The following COL5A2 variants were observed in gnomAD, a reference collection of about 807,000 sequenced individuals.
The protein encoded by COL5A2 is collagen alpha-2(V) chain.
COL5A2 carries 23 observed loss-of-function variants against 208.2 expected under a neutral mutation model. That is an observed-to-expected ratio of 0.11 (90% CI 0.08 to 0.16). The LOEUF (loss-of-function observed/expected upper bound fraction) is 0.16. Ranked by LOEUF, COL5A2 falls within the 10% of genes least tolerant of loss-of-function variation. The pLI is 1.00. For missense variants in COL5A2, 1,590 were observed against 1,956.4 expected (o/e 0.81, Z 3.53); for synonymous variants, 625 against 628.5 (o/e 0.99, Z 0.08).
the COL5A2 span, chr2:189,311,777 G>A: frequency 1.2e-6 from 1 of 844,690 alleles, no homozygotes; most frequent in Non-Finnish European, 2.0e-6. Context: ...TTCCAAGCCA[G>A]CTCATCACAT....
At chr2:189,356,682 C>T in the COL5A2 span, among the ~76,000 whole-genome samples, 2 of 152,212 alleles carry the variant, frequency 1.3e-5, no homozygotes, top group African/African-American at 4.8e-5. Context: ...TTAGAACATG[C>T]TCCTTTAACT....
chr2:189,224,554 T>G (rs2105882022), intron 1 of COL5A2, among the ~76,000 whole-genome samples: 1 of 152,050 alleles, frequency 6.6e-6, no homozygotes, highest in Admixed American at 6.5e-5. Flanking sequence ...CTGGGCATGG[T>G]GGCACACGCC....
At chr2:189,057,542 G>A in intron 33 of COL5A2, 115 bp from the exon 34 acceptor site, 3 of 756,006 alleles carry the variant, frequency 4.0e-6, no homozygotes, top group East Asian at 2.6e-5. Flanking sequence ...TCAACTTAGT[G>A]CTTATATTTT....
chr2:189,196,966 T>G (rs75021706), intron 1 of COL5A2, among the ~76,000 whole-genome samples: 1 of 152,158 alleles, frequency 6.6e-6, no homozygotes, highest in Non-Finnish European at 1.5e-5. Context: ...CAAAGGAATA[T>G]AAATCATTCT....
intron 1 of COL5A2, among the ~76,000 whole-genome samples, chr2:189,143,466 C>T (rs13005834): frequency 0.79 from 120,268 of 152,144 alleles, 50,061 homozygotes; most frequent in Non-Finnish European, 0.91. Context: ...ATATTTCCCA[C>T]TGTAAAATTT....
At chr2:189,375,658 A>G in the COL5A2 span, among the ~76,000 whole-genome samples, 1 of 152,220 alleles carries the variant, frequency 6.6e-6, no homozygotes, top group South Asian at 2.1e-4. Context: ...GTCTGGAGGA[A>G]TATCATGCTT....
intron 47 of COL5A2, among the ~76,000 whole-genome samples, chr2:189,044,100 T>A (rs1685614873): frequency 6.6e-6 from 1 of 152,198 alleles, no homozygotes; most frequent in Non-Finnish European, 1.5e-5. Context: ...TAGAGTCATC[T>A]ACTATAGAAC....
At chr2:189,401,824 A>T in the COL5A2 span, among the ~76,000 whole-genome samples, 28 of 152,120 alleles carry the variant, frequency 1.8e-4, no homozygotes, top group Admixed American at 7.9e-4. Flanking sequence ...ATGATCAGTG[A>T]TGTTGAGCTT....
At chr2:189,252,122 G>C in the COL5A2 span, among the ~76,000 whole-genome samples, 1 of 152,178 alleles carries the variant, frequency 6.6e-6, no homozygotes, top group African/African-American at 2.4e-5. Flanking sequence ...ACAGGTGCTG[G>C]AGAGGATGTG....
At chr2:189,303,908 C>T in the COL5A2 span, among the ~76,000 whole-genome samples, 26 of 152,196 alleles carry the variant, frequency 1.7e-4, no homozygotes, top group Non-Finnish European at 2.8e-4. Flanking sequence ...AGTCATGAAT[C>T]GTTCTTTGCT....
chr2:189,265,951 C>G, the COL5A2 span, among the ~76,000 whole-genome samples: 1 of 152,086 alleles, frequency 6.6e-6, no homozygotes, highest in South Asian at 2.1e-4. Flanking sequence ...CCATATGACC[C>G]AAATATTCCA....
intron 6 of COL5A2, among the ~76,000 whole-genome samples, chr2:189,094,371 T>C (rs994623705): frequency 2.0e-5 from 3 of 152,022 alleles, no homozygotes; most frequent in Non-Finnish European, 4.4e-5. Flanking sequence ...GTGAGCTGAA[T>C]TACATAATTC....
the COL5A2 span, among the ~76,000 whole-genome samples, chr2:189,235,110 A>C: frequency 6.6e-6 from 1 of 151,732 alleles, no homozygotes; most frequent in Non-Finnish European, 1.5e-5. Context: ...CATGTCACAT[A>C]TATCAATTTG....
the COL5A2 span, among the ~76,000 whole-genome samples, chr2:189,266,808 T>C: frequency 2.0e-5 from 3 of 152,246 alleles, no homozygotes; most frequent in East Asian, 5.8e-4. Context: ...AAAAGATATG[T>C]TAAAATACTG....
At chr2:189,378,871 TCAA>T in the COL5A2 span, among the ~76,000 whole-genome samples, 3 of 152,314 alleles carry the variant, frequency 2.0e-5, no homozygotes, top group Non-Finnish European at 2.9e-5. Context: ...AATTTTACCC[TCAA>T]CAATTATGTT....
intron 52 of COL5A2, among the ~76,000 whole-genome samples, chr2:189,035,865 A>T (rs1364477221): frequency 6.6e-6 from 1 of 152,134 alleles, no homozygotes; most frequent in Non-Finnish European, 1.5e-5. Flanking sequence ...CCATAAAGAG[A>T]TGCAGAATGA....
chr2:189,096,529 G>A (rs72906349), intron 6 of COL5A2, among the ~76,000 whole-genome samples: 20,010 of 151,296 alleles, frequency 0.13, 1,348 homozygotes, highest in Middle Eastern at 0.19. Context: ...GGCTGAGGCA[G>A]GAGAATGGCG....
chr2:189,318,114 T>C, the COL5A2 span, among the ~76,000 whole-genome samples: 539 of 152,306 alleles, frequency 3.5e-3, 6 homozygotes, highest in African/African-American at 0.012. Context: ...TTTTCTAAAC[T>C]CTGTATCTGA....
chr2:189,167,968 C>T (rs1366475677), intron 1 of COL5A2, among the ~76,000 whole-genome samples: 4 of 137,132 alleles, frequency 2.9e-5, no homozygotes, highest in African/African-American at 1.0e-4. Context: ...GAGACGGACT[C>T]TCGCTGTCAC....
Sources: allele counts gnomAD v4.1 joint callset (sites outside exome capture counted in the v4.1 genomes callset), GRCh38; gene constraint gnomAD v4.1.1; transcripts MANE v1.5; gene names NCBI Gene and HGNC (gene_info 2026-07-23, HGNC 2026-07-21).